The following RBFOX3 variants were observed in gnomAD, a reference collection of about 807,000 sequenced individuals.
RBFOX3 encodes the protein RNA binding protein fox-1 homolog 3.
A neutral mutation model predicts 48.7 loss-of-function variants in RBFOX3; 17 were observed. That is an observed-to-expected ratio of 0.35 (90% CI 0.24 to 0.52). The LOEUF (loss-of-function observed/expected upper bound fraction) is 0.52, where lower values mean the gene tolerates loss of function less well. RBFOX3 is among the 20% of genes least tolerant of loss of function. The pLI is 0.94. For missense variants in RBFOX3, 382 were observed against 497.5 expected, an observed-to-expected ratio of 0.77 and a Z score of 2.21; for synonymous variants, 212 against 209.5, an observed-to-expected ratio of 1.01 and a Z score of -0.10.
At chr17:79,315,582 T>A (rs899876502) in intron 2 of RBFOX3, among the ~76,000 whole-genome samples, 1 of 152,274 alleles carries the variant, frequency 6.6e-6, no homozygotes, top group Non-Finnish European at 1.5e-5. Context: ...ACCCTGGTCC[T>A]TGCTTTGATC....
intron 4 of RBFOX3, among the ~76,000 whole-genome samples, chr17:79,153,622 TC>T (rs1390599546): frequency 2.0e-5 from 3 of 152,196 alleles, no homozygotes. Flanking sequence ...AGATTTCCCA[TC>T]CGGCTTTTTC....
At chr17:79,604,461 G>T in intron 1 of RBFOX3, among the ~76,000 whole-genome samples, 1 of 118,184 alleles carries the variant, frequency 8.5e-6, no homozygotes, top group Non-Finnish European at 1.6e-5. Context: ...AGCCCTTCTT[G>T]CCATTGCTTT....
intron 2 of RBFOX3, among the ~76,000 whole-genome samples, chr17:79,455,733 GCAGA>G (rs1170583824): frequency 1.5e-4 from 23 of 152,150 alleles, no homozygotes; most frequent in Middle Eastern, 3.4e-3. Context: ...TCAGACGGAC[GCAGA>G]CATTCACACA....
intron 4 of RBFOX3, among the ~76,000 whole-genome samples, chr17:79,200,020 AG>A (rs2056477983): frequency 6.6e-6 from 1 of 152,022 alleles, no homozygotes; most frequent in Non-Finnish European, 1.5e-5. Flanking sequence ...AAAATTAGCT[AG>A]GTGTGGTGGC....
At chr17:79,462,086 A>T (rs1555749219) in intron 2 of RBFOX3, among the ~76,000 whole-genome samples, 1 of 152,188 alleles carries the variant, frequency 6.6e-6, no homozygotes, top group African/African-American at 2.4e-5. Flanking sequence ...CAAACTGTAC[A>T]ATTTATGGAT....
At chr17:79,590,879 C>T (rs1319145282) in intron 1 of RBFOX3, among the ~76,000 whole-genome samples, 13 of 152,312 alleles carry the variant, frequency 8.5e-5, no homozygotes, top group African/African-American at 3.1e-4. Context: ...CCAGCATGGA[C>T]CCCACCCCAA....
intron 1 of RBFOX3, among the ~76,000 whole-genome samples, chr17:79,584,415 T>A (rs1304016387): frequency 6.6e-6 from 1 of 152,122 alleles, no homozygotes; most frequent in Non-Finnish European, 1.5e-5. Context: ...AAATAAGTCA[T>A]GATACAAAAA....
At chr17:79,384,915 T>C (rs555535366) in intron 2 of RBFOX3, among the ~76,000 whole-genome samples, 2 of 152,386 alleles carry the variant, frequency 1.3e-5, no homozygotes, top group East Asian at 3.9e-4. Context: ...CTTCGGCAGC[T>C]ACACGCCGGC....
chr17:79,649,387 C>T, the RBFOX3 span, among the ~76,000 whole-genome samples: 1 of 152,236 alleles, frequency 6.6e-6, no homozygotes. Flanking sequence ...AATGCACCTA[C>T]ATTAGTCTGT....
chr17:79,142,060 T>C (rs1195776763), intron 4 of RBFOX3, among the ~76,000 whole-genome samples: 1 of 152,260 alleles, frequency 6.6e-6, no homozygotes, highest in Non-Finnish European at 1.5e-5. Context: ...TTGGTGCTGC[T>C]ATCCTTTTAC....
chr17:79,373,060 C>T lies in RBFOX3; in HGVS notation c.-174-65236G>A, dbSNP rs988253347. 1.8e-4 allele frequency among the ~76,000 whole-genome samples: 28 copies of T among 152,268 alleles called. 1 individual carries two copies. On this transcript the variant is annotated intron_variant, in intron 2 of 14. Coordinates refer to ENST00000693108, the MANE Select transcript of RBFOX3 (RefSeq NM_001350451.2). ...TCCTCGGAAGAGGAAGCTCACGTCG[C>T]CTCTCAGCAGGTGGGGCAGAGGCCT... is the stretch of plus-strand genomic sequence containing the variant.
chr17:79,151,170 A>G (rs1467310833), intron 4 of RBFOX3, among the ~76,000 whole-genome samples: 1 of 151,942 alleles, frequency 6.6e-6, no homozygotes, highest in Non-Finnish European at 1.5e-5. Flanking sequence ...GGCAAGCAAC[A>G]AAGCCGGCAT....
At chr17:79,549,767 T>C (rs1555793055) in intron 1 of RBFOX3, among the ~76,000 whole-genome samples, 1 of 152,094 alleles carries the variant, frequency 6.6e-6, no homozygotes, top group Non-Finnish European at 1.5e-5. Context: ...GGGCCAAATA[T>C]CACAATGGAG....
At chr17:79,109,952 C>T (rs1366613346) in intron 5 of RBFOX3, among the ~76,000 whole-genome samples, 5 of 152,118 alleles carry the variant, frequency 3.3e-5, no homozygotes, top group African/African-American at 7.2e-5. Context: ...TGCTCAGCCC[C>T]GGGCAGAGGC....
At chr17:79,367,299 T>C (rs1598403859) in intron 2 of RBFOX3, among the ~76,000 whole-genome samples, 1 of 97,878 alleles carries the variant, frequency 1.0e-5, no homozygotes, top group African/African-American at 4.0e-5. Flanking sequence ...TCCTCCTCCC[T>C]CTCCTCTTCC....
chr17:79,486,517 C>T (rs2079628975), intron 1 of RBFOX3, among the ~76,000 whole-genome samples: 1 of 152,194 alleles, frequency 6.6e-6, no homozygotes, highest in Non-Finnish European at 1.5e-5. Flanking sequence ...ATCCTGTCCC[C>T]TACACACACA....
At chr17:79,643,911 AC>A in the RBFOX3 span, among the ~76,000 whole-genome samples, 2 of 152,016 alleles carry the variant, frequency 1.3e-5, no homozygotes, top group Non-Finnish European at 2.9e-5. Context: ...AGGAAATAAT[AC>A]AAATAATAGC....
chr17:79,510,205 A>C (rs911126553), intron 1 of RBFOX3, among the ~76,000 whole-genome samples: 5 of 152,070 alleles, frequency 3.3e-5, no homozygotes, highest in Non-Finnish European at 7.4e-5. Flanking sequence ...GCCACGGAAA[A>C]GCCACCAGCC....
rs2078973030 is a variant in RBFOX3, at chr17:79,482,929, C to T, written c.-319-331G>A. Among the ~76,000 whole-genome samples the T allele has an allele frequency of 6.6e-6, 1 of 152,014 alleles. No individual in the cohort carries two copies. On this transcript the variant is annotated intron_variant, in intron 1 of 14. Coordinates refer to ENST00000693108, the MANE Select transcript of RBFOX3 (RefSeq NM_001350451.2). The surrounding 1 kb of genome is among the most constrained non-coding windows in gnomAD (Gnocchi z 4.1). ...CCAGGGACTCTTCCACCCCACCACG[C>T]TGGCCCCTCCCCATCGCCTTTCCCA...
Sources: allele counts gnomAD v4.1 joint callset (sites outside exome capture counted in the v4.1 genomes callset), GRCh38; gene constraint gnomAD v4.1.1; non-coding constraint Gnocchi (gnomAD v3.1); transcripts MANE v1.5; gene names NCBI Gene and HGNC (gene_info 2026-07-23, HGNC 2026-07-21).